The following DIAPH2 variants were observed in gnomAD, a reference collection of about 807,000 sequenced individuals.
DIAPH2 encodes diaphanous related formin 2, also known as protein diaphanous homolog 2.
DIAPH2 carries 35 observed loss-of-function variants against 92.7 expected under a neutral mutation model. The observed-to-expected ratio is 0.38, with a 90% CI of 0.29 to 0.50. DIAPH2 has a LOEUF of 0.50. Ranked by LOEUF, DIAPH2 falls within the 20% of genes least tolerant of loss-of-function variation. The pLI, the probability that DIAPH2 is intolerant of heterozygous loss-of-function variation, is 0.94. For synonymous variants in DIAPH2, 301 were observed against 280.4 expected, an observed-to-expected ratio of 1.07 and a Z score of -0.73; for missense variants, 701 against 819.5, an observed-to-expected ratio of 0.86 and a Z score of 1.77.
chrX:96,769,535 A>G (rs963730961), intron 4 of DIAPH2, among the ~76,000 whole-genome samples: 3 of 112,026 alleles, frequency 2.7e-5, no homozygotes, highest in Admixed American at 1.9e-4. Context: ...AAGCCTGAAT[A>G]TCTTTACTAG....
intron 1 of DIAPH2, among the ~76,000 whole-genome samples, chrX:96,729,312 G>A (rs1013332204): frequency 4.5e-4 from 51 of 112,288 alleles, no homozygotes; most frequent in African/African-American, 1.6e-3. Context: ...TTCTATACCT[G>A]TAGAGGATGC....
chrX:97,387,054 G>T (rs1038130022), intron 25 of DIAPH2, among the ~76,000 whole-genome samples: 1 of 110,780 alleles, frequency 9.0e-6, no homozygotes, highest in Non-Finnish European at 1.9e-5. Flanking sequence ...GTTTTGTTTT[G>T]TTTTTTTGTT....
At chrX:97,159,829 A>G (rs1377083845) in intron 22 of DIAPH2, among the ~76,000 whole-genome samples, 1 of 112,006 alleles carries the variant, frequency 8.9e-6, no homozygotes, top group African/African-American at 3.2e-5. Context: ...AATTACCTAT[A>G]ATTTCTCAAA....
chrX:97,485,677 C>G (rs996976900), intron 26 of DIAPH2, among the ~76,000 whole-genome samples: 2 of 112,884 alleles, frequency 1.8e-5, no homozygotes, highest in African/African-American at 6.4e-5. Context: ...GGTCCAAAAG[C>G]TTTCAGCTTT....
chrX:97,440,594 CAA>C (rs775916074), intron 26 of DIAPH2, among the ~76,000 whole-genome samples: 5 of 39,416 alleles, frequency 1.3e-4, no homozygotes, highest in Non-Finnish European at 1.5e-4. Flanking sequence ...CTTCGTCTCA[CAA>C]AAAAAAAAAA....
chrX:97,536,103 A>T (rs2071093823), intron 26 of DIAPH2, among the ~76,000 whole-genome samples: 1 of 112,570 alleles, frequency 8.9e-6, no homozygotes, highest in Non-Finnish European at 1.9e-5. Context: ...CAAGAAGTTT[A>T]CTAAATGAGG....
At chrX:97,185,469 A>C (rs867009762) in intron 22 of DIAPH2, among the ~76,000 whole-genome samples, 1 of 34,110 alleles carries the variant, frequency 2.9e-5, no homozygotes, top group Non-Finnish European at 4.6e-5. Context: ...ATATATATAT[A>C]TACACATATA....
intron 17 of DIAPH2, among the ~76,000 whole-genome samples, chrX:97,063,530 G>A (rs958137090): frequency 3.6e-5 from 4 of 111,791 alleles, no homozygotes; most frequent in African/African-American, 9.7e-5. Context: ...ACATGAAAAC[G>A]TATGTGAGAC....
At chrX:97,464,707 G>C (rs978807740) in intron 26 of DIAPH2, among the ~76,000 whole-genome samples, 3 of 111,810 alleles carry the variant, frequency 2.7e-5, no homozygotes, top group Non-Finnish European at 5.6e-5. Context: ...AGAAGGGTAT[G>C]GGAAGGGCTG....
intron 26 of DIAPH2, among the ~76,000 whole-genome samples, chrX:97,551,138 G>A (rs1181553306): frequency 9.0e-6 from 1 of 110,766 alleles, no homozygotes; most frequent in Non-Finnish European, 1.9e-5. Flanking sequence ...CAGGGGAGAG[G>A]TATGAAAAAA....
chrX:96,777,470 T>C (rs2064384615), intron 4 of DIAPH2, among the ~76,000 whole-genome samples: 1 of 110,772 alleles, frequency 9.0e-6, no homozygotes, highest in African/African-American at 3.3e-5. Context: ...TATCAACAAG[T>C]TTCAGGAAAT....
At chrX:97,190,036 G>A (rs1019438043) in intron 22 of DIAPH2, among the ~76,000 whole-genome samples, 2 of 113,019 alleles carry the variant, frequency 1.8e-5, no homozygotes, top group African/African-American at 3.2e-5. Flanking sequence ...GTATCAAAAC[G>A]GCTTTATTAG....
At chrX:97,475,488 A>AGC (rs1331421131) in intron 26 of DIAPH2, among the ~76,000 whole-genome samples, 21 of 112,064 alleles carry the variant, frequency 1.9e-4, no homozygotes, top group African/African-American at 5.8e-4. Context: ...TCTGCAGCAG[A>AGC]CAAGGCCTGC....
chrX:97,076,567 A>G (rs2066706085), intron 19 of DIAPH2, among the ~76,000 whole-genome samples: 1 of 111,768 alleles, frequency 8.9e-6, no homozygotes, highest in Non-Finnish European at 1.9e-5. Context: ...AAACAAAAAC[A>G]TCAAATAGTT....
chrX:97,333,773 C>T (rs1405694116), intron 23 of DIAPH2, among the ~76,000 whole-genome samples: 5 of 110,400 alleles, frequency 4.5e-5, no homozygotes, highest in African/African-American at 1.3e-4. Flanking sequence ...CCATGTTGGC[C>T]GGGCTGGTCT....
intron 23 of DIAPH2, among the ~76,000 whole-genome samples, chrX:97,292,839 A>G (rs764269436): frequency 8.9e-6 from 1 of 112,017 alleles, no homozygotes; most frequent in East Asian, 2.8e-4. Context: ...ATTAAATGTT[A>G]TAAGTTGCTT....
rs1401162988 is a variant in DIAPH2 at position 96,782,560 on chromosome X, A to G, written c.447+24302A>G. On this transcript the variant is annotated intron_variant, in intron 4 of 26. Transcript: ENST00000324765. The stretch of plus-strand genomic sequence containing the variant: ...GTGATCCGCCCGCCTCGGCCTCCCA[A>G]AGTGCTGGGATTACAGGCGTGAGCC... Among the ~76,000 whole-genome samples the G allele has an allele frequency of 1.3e-4, 14 of 110,840 alleles. No individual in the cohort carries two copies. In the Admixed American group the frequency reaches 1.3e-3, roughly 11 times the overall value.
rs6620285 is a variant in DIAPH2, at chrX:97,476,966, A to T, written c.3241+47221A>T. On this transcript the variant is annotated intron_variant, in intron 26 of 26. Transcript: ENST00000324765. Reference sequence around the variant, plus strand: ...TCTCAAAAAAAAAAAAAAAAAAAAAAAAATATATATATATATATACACACA... The same window carrying T: ...TCTCAAAAAAAAAAAAAAAAAAAAATAAATATATATATATATATACACACA... Among the ~76,000 whole-genome samples, 330 of 34,428 alleles carry T rather than the reference A, an allele frequency of 9.6e-3. 6 individuals carry two copies. The highest frequency in any genetic ancestry group is 0.038 in the East Asian group (41 of 1,075). 29.9% of individuals were successfully genotyped at this position (34,428 alleles called of 115,157 possible).
At chrX:97,196,861 A>G (rs989789911) in intron 22 of DIAPH2, among the ~76,000 whole-genome samples, 1 of 103,777 alleles carries the variant, frequency 9.6e-6, no homozygotes, top group Admixed American at 1.1e-4. Flanking sequence ...ATTTTGGCTC[A>G]CTGCAACCTC....
Sources: allele counts gnomAD v4.1 joint callset (sites outside exome capture counted in the v4.1 genomes callset), GRCh38; gene constraint gnomAD v4.1.1; transcripts MANE v1.5; gene names NCBI Gene and HGNC (gene_info 2026-07-23, HGNC 2026-07-21).